Variants in CSNK1G3 observed in about 807,000 individuals in gnomAD.
The protein encoded by CSNK1G3 is casein kinase I isoform gamma-3.
CSNK1G3 carries 23 observed loss-of-function variants against 64.3 expected under a neutral mutation model. The observed-to-expected ratio is 0.36, with a 90% CI of 0.26 to 0.51. The LOEUF (loss-of-function observed/expected upper bound fraction) is 0.51, where lower values mean the gene tolerates loss of function less well. CSNK1G3 is among the 20% of genes least tolerant of loss of function. CSNK1G3 has a pLI of 0.96. For synonymous variants in CSNK1G3, 158 were observed against 162.2 expected (o/e 0.97, Z 0.20); for missense variants, 357 against 510.5 (o/e 0.70, Z 2.90).
At chr5:123,519,137 C>T (rs1316453841) in intron 1 of CSNK1G3, among the ~76,000 whole-genome samples, 1 of 152,038 alleles carries the variant, frequency 6.6e-6, no homozygotes, top group Non-Finnish European at 1.5e-5. Flanking sequence ...CATTGCAACC[C>T]CTGCCTCTTG....
chr5:123,614,240 C>G (rs959967597), intron 12 of CSNK1G3, 102 bp from the exon 14 acceptor site: 4 of 1,083,178 alleles, frequency 3.7e-6, no homozygotes, highest in Non-Finnish European at 5.4e-6. Context: ...TTATCTTGCA[C>G]TAGCCTGTTG....
chr5:123,570,706 T>A (rs998669543), intron 4 of CSNK1G3, among the ~76,000 whole-genome samples: 2 of 152,200 alleles, frequency 1.3e-5, no homozygotes, highest in Admixed American at 6.5e-5. Context: ...TTACATTTTT[T>A]ATATAGTTCT....
chr5:123,532,936 C>T (rs1343079273), intron 1 of CSNK1G3, among the ~76,000 whole-genome samples: 1 of 151,788 alleles, frequency 6.6e-6, no homozygotes, highest in African/African-American at 2.4e-5. Context: ...CAGGTGGTTA[C>T]TTTTATGAAT....
intron 12 of CSNK1G3, among the ~76,000 whole-genome samples, chr5:123,607,605 G>A (rs910838314): frequency 1.3e-5 from 2 of 152,116 alleles, no homozygotes; most frequent in African/African-American, 4.8e-5. Context: ...GAGGAGGATG[G>A]GATTTCTTTA....
At chr5:123,612,899 T>G (rs969010798) in intron 12 of CSNK1G3, among the ~76,000 whole-genome samples, 1 of 152,242 alleles carries the variant, frequency 6.6e-6, no homozygotes, top group African/African-American at 2.4e-5. Flanking sequence ...AAATATACTT[T>G]GCTTTTATTA....
intron 4 of CSNK1G3, among the ~76,000 whole-genome samples, chr5:123,570,346 C>CTTTTTTTTTTTTTTTT (rs370362447): frequency 4.6e-5 from 6 of 130,552 alleles, no homozygotes; most frequent in Non-Finnish European, 4.8e-5. Flanking sequence ...ACAGTCCTTT[C>CTTTTTTTTTTTTTTTT]TTTTTTTTTT....
chr5:123,546,877 A>G (rs1233264507), intron 2 of CSNK1G3, among the ~76,000 whole-genome samples: 1 of 152,160 alleles, frequency 6.6e-6, no homozygotes, highest in East Asian at 1.9e-4. Flanking sequence ...AAAGGCAATG[A>G]TATAGTTTAT....
At chr5:123,541,101 T>C (rs1245460832) in intron 1 of CSNK1G3, among the ~76,000 whole-genome samples, 2 of 152,234 alleles carry the variant, frequency 1.3e-5, no homozygotes, top group African/African-American at 4.8e-5. Context: ...ATTATCTAGA[T>C]CTACCATATA....
chr5:123,535,745 G>A (rs922692314), intron 1 of CSNK1G3, among the ~76,000 whole-genome samples: 9 of 152,006 alleles, frequency 5.9e-5, no homozygotes, highest in Non-Finnish European at 1.3e-4. Context: ...TTCTTGTCAT[G>A]TATCTTTATA....
intron 4 of CSNK1G3, among the ~76,000 whole-genome samples, chr5:123,561,209 C>T (rs557170186): frequency 3.3e-5 from 5 of 152,138 alleles, no homozygotes; most frequent in African/African-American, 9.6e-5. Flanking sequence ...TCTGGGATAG[C>T]AAAAATTTAA....
intron 1 of CSNK1G3, among the ~76,000 whole-genome samples, chr5:123,529,141 G>T (rs1779523776): frequency 6.6e-6 from 1 of 152,188 alleles, no homozygotes; most frequent in Non-Finnish European, 1.5e-5. Context: ...AATAAACTGA[G>T]TTCAGGCATG....
At position 123,590,397 on chromosome 5, in the gene CSNK1G3, A is replaced by T; in HGVS notation, c.845-16A>T. 1 of 1,327,352 alleles carries T rather than the reference A, an allele frequency of 7.5e-7. No homozygotes were observed. Among genetic ancestry groups the T allele is most frequent in the Non-Finnish European group, 1.0e-6 (1 of 993,604 alleles). The allele number at this position is 1,327,352 out of a possible 1,614,324, so 82.2% of individuals were successfully genotyped here. On this transcript the variant is annotated splice_polypyrimidine_tract_variant and intron_variant, in intron 8 of 12. Coordinates refer to ENST00000345990, the Ensembl canonical transcript of CSNK1G3. The stretch of plus-strand genomic sequence containing the variant: ...GAAAAGTATAGTCCAAATAATTTTT[A>T]TATTATTTCTAGAAGAAATGGCAAC...
At chr5:123,551,488 C>A (rs1335779547) in intron 2 of CSNK1G3, among the ~76,000 whole-genome samples, 2 of 152,134 alleles carry the variant, frequency 1.3e-5, no homozygotes, top group Non-Finnish European at 2.9e-5. Flanking sequence ...GAGTTTATGA[C>A]ACCTATGTTA....
intron 1 of CSNK1G3, among the ~76,000 whole-genome samples, chr5:123,522,237 G>T (rs9285902): frequency 0.57 from 86,368 of 151,866 alleles, 25,105 homozygotes; most frequent in African/African-American, 0.67. Context: ...GATGGGCTGG[G>T]TGCTGTGGCT....
chr5:123,559,754 A>T (rs1785324329), intron 4 of CSNK1G3, among the ~76,000 whole-genome samples: 1 of 141,224 alleles, frequency 7.1e-6, no homozygotes. Flanking sequence ...ATTTTTAAGT[A>T]CCTTTGTGAG....
At chr5:123,542,960 A>G (rs1781925376) in intron 1 of CSNK1G3, among the ~76,000 whole-genome samples, 1 of 150,894 alleles carries the variant, frequency 6.6e-6, no homozygotes, top group African/African-American at 2.4e-5. Flanking sequence ...CTCTGGTTAA[A>G]TAGGACTCTA....
chr5:123,565,293 A>G (rs1786633078), intron 4 of CSNK1G3, among the ~76,000 whole-genome samples: 1 of 152,192 alleles, frequency 6.6e-6, no homozygotes, highest in Non-Finnish European at 1.5e-5. Flanking sequence ...TAATTTTGAT[A>G]TTACTGACTT....
intron 5 of CSNK1G3, among the ~76,000 whole-genome samples, chr5:123,574,906 A>G (rs1004185220): frequency 3.3e-5 from 5 of 152,226 alleles, no homozygotes; most frequent in African/African-American, 1.2e-4. Context: ...GCAAATGCTC[A>G]TATCATTAAT....
intron 10 of CSNK1G3, among the ~76,000 whole-genome samples, chr5:123,598,346 AAAG>A (rs1156620995): frequency 1.3e-5 from 2 of 152,180 alleles, no homozygotes; most frequent in Admixed American, 1.3e-4. Flanking sequence ...TCTTGAATGA[AAAG>A]AAGTGTGTAA....
Sources: allele counts gnomAD v4.1 joint callset (sites outside exome capture counted in the v4.1 genomes callset), GRCh38; gene constraint gnomAD v4.1.1; transcripts MANE v1.5; gene names NCBI Gene and HGNC (gene_info 2026-07-23, HGNC 2026-07-21).